Variants in KCNT2 observed in about 807,000 individuals in gnomAD.
KCNT2 encodes potassium sodium-activated channel subfamily T member 2.
A neutral mutation model predicts 153.8 loss-of-function variants in KCNT2; 67 were observed. That is an observed-to-expected ratio of 0.44 (90% confidence interval 0.36 to 0.53). KCNT2 has a LOEUF of 0.53. KCNT2 is among the 20% of genes least tolerant of loss of function. KCNT2 has a pLI of 0.00. For synonymous variants in KCNT2, 500 were observed against 458.8 expected (o/e 1.09, Z -1.15); for missense variants, 975 against 1,354.8 (o/e 0.72, Z 4.40).
intron 15 of KCNT2, 130 bp downstream of exon 15, chr1:196,341,949 G>A (rs1665679022): frequency 2.5e-6 from 2 of 805,370 alleles, no homozygotes; most frequent in South Asian, 4.1e-5. Flanking sequence ...CAACATTGGG[G>A]AATATTGTGA....
chr1:196,456,354 C>T (rs1676673749), intron 8 of KCNT2, among the ~76,000 whole-genome samples: 1 of 151,774 alleles, frequency 6.6e-6, no homozygotes, highest in East Asian at 2.0e-4. Flanking sequence ...TGTTTTATTG[C>T]ATTTGTAATG....
chr1:196,239,400 C>T (rs1654743581), intron 26 of KCNT2, among the ~76,000 whole-genome samples: 1 of 151,460 alleles, frequency 6.6e-6, no homozygotes, highest in East Asian at 1.9e-4. Flanking sequence ...TTAAAGATTG[C>T]TACTAGCATT....
chr1:196,306,083 T>C (rs1025647649), intron 21 of KCNT2, among the ~76,000 whole-genome samples: 2 of 152,100 alleles, frequency 1.3e-5, no homozygotes, highest in Non-Finnish European at 2.9e-5. Context: ...TTTTTATTTT[T>C]GCTGTTGTTC....
rs999511279 is a variant in KCNT2, at chr1:196,398,560, T to C, written c.1294+3A>G. ...ATGGATCTCATGCAAGATAAAAACTTACCAGCAAATTTGATGTGAAATTTA... is the reference window on the plus strand; with the variant it reads ...ATGGATCTCATGCAAGATAAAAACTCACCAGCAAATTTGATGTGAAATTTA... On this transcript the variant is annotated splice_donor_region_variant and intron_variant, in intron 13 of 27. Transcript: ENST00000294725. 1.3e-6 allele frequency: 2 copies of C among 1,540,018 alleles called. No homozygotes were observed. Among genetic ancestry groups the C allele is most frequent in the Non-Finnish European group, 1.8e-6 (2 of 1,115,166 alleles).
At chr1:196,251,950 G>T (rs981995419) in intron 26 of KCNT2, among the ~76,000 whole-genome samples, 3 of 151,654 alleles carry the variant, frequency 2.0e-5, no homozygotes, top group Non-Finnish European at 4.4e-5. Context: ...TTGTTTTTAA[G>T]TGGGTTTCTT....
chr1:196,354,149 C>T (rs1031378261), intron 14 of KCNT2, among the ~76,000 whole-genome samples: 1 of 151,490 alleles, frequency 6.6e-6, no homozygotes, highest in African/African-American at 2.4e-5. Flanking sequence ...TATAAGAATG[C>T]CATCACACTA....
intron 12 of KCNT2, among the ~76,000 whole-genome samples, chr1:196,408,598 C>G (rs568660696): frequency 6.6e-6 from 1 of 151,430 alleles, no homozygotes; most frequent in Non-Finnish European, 1.5e-5. Flanking sequence ...CAATTTAATG[C>G]GTTGCATTTT....
chr1:196,376,454 A>G (rs1668977348), intron 13 of KCNT2, among the ~76,000 whole-genome samples: 1 of 151,920 alleles, frequency 6.6e-6, no homozygotes. Flanking sequence ...AGGAACTACC[A>G]CCAAATAATT....
chr1:196,493,445 T>C (rs934101839), intron 1 of KCNT2, among the ~76,000 whole-genome samples: 2 of 151,770 alleles, frequency 1.3e-5, no homozygotes, highest in African/African-American at 4.8e-5. Flanking sequence ...ATTTGAGAAA[T>C]AGTTCACTAC....
intron 1 of KCNT2, among the ~76,000 whole-genome samples, chr1:196,561,492 G>A (rs1659375944): frequency 6.6e-6 from 1 of 151,096 alleles, no homozygotes; most frequent in Non-Finnish European, 1.5e-5. Context: ...GAGGCATAAA[G>A]ATGACTCCTA....
rs545811039 is a variant in KCNT2, at chr1:196,310,992, A to G, written c.2483+4900T>C. 2.0e-5 allele frequency among the ~76,000 whole-genome samples: 3 copies of G among 151,832 alleles called. 1 individual carries two copies. The South Asian group carries it at 6.2e-4, about 32-fold the overall frequency. ...CACTACCAGGATCTCAGAGCTTCGT[A>G]TATGCTGCCGCCATATGGAATGTGC... is the stretch of plus-strand genomic sequence containing the variant. On this transcript the variant is annotated intron_variant, in intron 21 of 27. Transcript: ENST00000294725.
At chr1:196,478,717 A>T (rs1269169271) in intron 5 of KCNT2, among the ~76,000 whole-genome samples, 1 of 152,172 alleles carries the variant, frequency 6.6e-6, no homozygotes, top group Admixed American at 6.5e-5. Context: ...CTGTAAACTC[A>T]TTGAAAAAAG....
In KCNT2 at chr1:196,386,020, C is replaced by T. The variant is rs114656870; in HGVS notation, c.1294+12543G>A. ...TAAAAGGCATTGTGACTTTGCCTTG[C>T]TCTCTTTTGGATCATCTGCCCTGGG... On this transcript the variant is annotated intron_variant, in intron 13 of 27. Transcript: ENST00000294725. Among the ~76,000 whole-genome samples, 903 of 152,224 alleles carry T rather than the reference C, an allele frequency of 5.9e-3. 14 individuals are homozygous for T. The highest frequency in any genetic ancestry group is 0.021 in the African/African-American group (852 of 41,528).
At chr1:196,277,526 C>T (rs770517631) in intron 25 of KCNT2, among the ~76,000 whole-genome samples, 2 of 152,148 alleles carry the variant, frequency 1.3e-5, no homozygotes, top group Non-Finnish European at 2.9e-5. Context: ...ATAGACTAAA[C>T]CTTTAATATG....
intron 18 of KCNT2, among the ~76,000 whole-genome samples, 196 bp from the exon 19 acceptor site, chr1:196,327,085 G>T (rs1309696561): frequency 6.6e-6 from 1 of 152,048 alleles, no homozygotes; most frequent in African/African-American, 2.4e-5. Flanking sequence ...CATGGACAAG[G>T]AAAATGAATT....
chr1:196,452,343 A>G (rs975913486), intron 8 of KCNT2, among the ~76,000 whole-genome samples: 1 of 151,952 alleles, frequency 6.6e-6, no homozygotes, highest in Non-Finnish European at 1.5e-5. Flanking sequence ...TTATTGCCAT[A>G]TGCCTCTCAT....
intron 21 of KCNT2, among the ~76,000 whole-genome samples, chr1:196,314,693 T>G (rs2148014948): frequency 6.6e-6 from 1 of 151,720 alleles, no homozygotes; most frequent in Admixed American, 6.6e-5. Flanking sequence ...AACTGAATCT[T>G]AATGAGGTTA....
At chr1:196,402,424 A>G (rs1351912587) in intron 12 of KCNT2, among the ~76,000 whole-genome samples, 1 of 151,630 alleles carries the variant, frequency 6.6e-6, no homozygotes. Flanking sequence ...AATAAATGCA[A>G]GTTTATAATT....
At chr1:196,603,921 A>G (rs1206543979) in intron 1 of KCNT2, among the ~76,000 whole-genome samples, 1 of 152,250 alleles carries the variant, frequency 6.6e-6, no homozygotes, top group Non-Finnish European at 1.5e-5. Flanking sequence ...TAAAACCTGT[A>G]ACTTATCAGT....
Sources: allele counts gnomAD v4.1 joint callset (sites outside exome capture counted in the v4.1 genomes callset), GRCh38; gene constraint gnomAD v4.1.1; transcripts MANE v1.5; gene names NCBI Gene and HGNC (gene_info 2026-07-23, HGNC 2026-07-21).